Variants in NKX3-2 observed in about 807,000 individuals in gnomAD.
NKX3-2 encodes the protein homeobox protein Nkx-3.2.
NKX3-2 carries 13 observed loss-of-function variants against 19.4 expected under a neutral mutation model. That is an observed-to-expected ratio of 0.67 (90% CI 0.44 to 1.07). The LOEUF is 1.07. Among genes scored for constraint, NKX3-2 ranks in the 50% least tolerant of loss-of-function variants. The probability of loss-of-function intolerance (pLI) is 0.00; values close to 1 mark genes in which losing one functional copy is unlikely to be tolerated. For synonymous variants in NKX3-2, 269 were observed against 230.5 expected, an observed-to-expected ratio of 1.17 and a Z score of -1.51; for missense variants, 562 against 488.2, an observed-to-expected ratio of 1.15 and a Z score of -1.42.
At position 13,542,567 on chromosome 4, in the gene NKX3-2, G is replaced by A; in HGVS notation, c.467-39C>T. ...TGGGAACAGAAACAAGAGACTGTCAGCGCCACAGACGAGGTGAGGCCGGGC... is the reference window on the plus strand; with the variant it reads ...TGGGAACAGAAACAAGAGACTGTCAACGCCACAGACGAGGTGAGGCCGGGC... On this transcript the variant is annotated intron_variant, in intron 1 of 1. Transcript: ENST00000382438. The surrounding 1 kb of genome is among the most constrained non-coding windows in gnomAD (Gnocchi z 6.4). 1 of 1,595,708 alleles carries A rather than the reference G, an allele frequency of 6.3e-7. No homozygotes were observed. Among genetic ancestry groups the A allele is most frequent in the South Asian group, 1.1e-5 (1 of 90,972 alleles).
rs758315408 is a variant in NKX3-2 at position 13,542,293 on chromosome 4, G to T, written c.702C>A (p.Pro234=). The T allele has an allele frequency of 1.2e-6, 2 of 1,607,762 alleles. No individual in the cohort carries two copies. Among genetic ancestry groups the T allele is most frequent in the African/African-American group, 2.7e-5 (2 of 74,806 alleles). ...GCGACGCGGCCAGGTCTGCGCGCTC[G>T]GGCCCGGACAGGTAGCGCTGGTGGT... ...RFNHQRYLSG[P]ERADLAASLK... is the part of the protein sequence containing the mutation. The change falls in exon 2 of 2, where the codon CCC becomes CCA. Residue 234 remains proline, a synonymous_variant. Coordinates refer to ENST00000382438, the MANE Select transcript of NKX3-2 (RefSeq NM_001189.4). This position sits in a 1 kb window ranked among gnomAD's most constrained non-coding sequence, Gnocchi z 6.4.
rs1177932203 is a variant in NKX3-2 at position 13,544,176 on chromosome 4, G to A, written c.239C>T (p.Ala80Val). Residue 80 changes from alanine (A) to valine (V), a missense_variant, in exon 1 of 2, where the codon GCT (alanine) becomes GTT (valine). Transcript: ENST00000382438. ...LLASPAGTRT[A>V]AGRTAESPEG... Reference sequence around the variant, plus strand: ...CGGGCTCTCCGCAGTCCGCCCCGCAGCTGTTCTGGTACCGGCAGGAGACGC... The same window carrying A: ...CGGGCTCTCCGCAGTCCGCCCCGCAACTGTTCTGGTACCGGCAGGAGACGC... The A allele has an allele frequency of 4.4e-6, 7 of 1,604,190 alleles. No individual in the cohort carries two copies. Among genetic ancestry groups the A allele is most frequent in the Non-Finnish European group, 5.9e-6 (7 of 1,179,046 alleles).
In NKX3-2 at chr4:13,544,382, G is replaced by T; in HGVS notation, c.33C>A (p.Ser11=). 3 of 1,549,846 alleles carry T rather than the reference G, an allele frequency of 1.9e-6. No individual in the cohort carries two copies. Among genetic ancestry groups the T allele is most frequent in the Non-Finnish European group, 2.6e-6 (3 of 1,157,724 alleles). ...TGTTGAGGATCGCCTGGATGGAGAA[G>T]GACGTCAAGGTGTTGGCGCCGCGCA... is the stretch of plus-strand genomic sequence containing the variant. MAVRGANTLT[S]FSIQAILNKK... The change falls in exon 1 of 2, where the codon TCC becomes TCA. Residue 11 remains serine (S), a synonymous_variant. Transcript: ENST00000382438.
chr4:13,541,861 GGGAGCT>G lies in NKX3-2; in HGVS notation c.*126_*131del. 1 of 1,378,808 alleles carries G rather than the reference GGGAGCT, an allele frequency of 7.3e-7. No individual in the cohort carries two copies. Among genetic ancestry groups the G allele is most frequent in the Non-Finnish European group, 9.9e-7 (1 of 1,014,426 alleles). The allele number at this position is 1,378,808 out of a possible 1,614,324, so 85.4% of individuals were successfully genotyped here. ...TGCCAGGGGACAAGTCCTGGCTAACGGGAGCTGGAGCTGGGTTTCACCTCCAGGTGC... is the reference window on the plus strand; with the variant it reads ...TGCCAGGGGACAAGTCCTGGCTAACGGGAGCTGGGTTTCACCTCCAGGTGC... On this transcript the variant is annotated 3_prime_UTR_variant, in exon 2 of 2. Transcript: ENST00000382438.
upstream of NKX3-2, chr4:13,544,960 G>C (rs775117106): frequency 1.5e-4 from 23 of 152,238 alleles, no homozygotes; most frequent in African/African-American, 5.3e-4. Context: ...GATTCCGAGA[G>C]GCGCGGGGAA....
chr4:13,544,609 G>A (rs1277969084), upstream of NKX3-2: 3 of 327,900 alleles, frequency 9.1e-6, no homozygotes, highest in East Asian at 1.0e-4. Context: ...CCCCACCTTA[G>A]AGGCCCACCC....
rs2109004752 is a variant in NKX3-2, at chr4:13,542,505, C to T, written c.490G>A (p.Asp164Asn). 1.3e-6 allele frequency: 2 copies of T among 1,596,708 alleles called. No individual in the cohort carries two copies. Among genetic ancestry groups the T allele is most frequent in the South Asian group, 2.2e-5 (2 of 90,980 alleles). The stretch of plus-strand genomic sequence containing the variant: ...GCACCTCTGGGGCCAACACCGTCGT[C>T]CTCGGTCCTTGGGCTGCGGTCGCCT... ...VSGDRSPRTE[D>N]DGVGPRGAHV... The change falls in exon 2 of 2, where the codon GAC (aspartate) becomes AAC (asparagine). Residue 164 changes from aspartate (D) to asparagine (N), a missense_variant. Transcript: ENST00000382438. The surrounding 1 kb of genome is among the most constrained non-coding windows in gnomAD (Gnocchi z 6.4).
At chr4:13,544,546 G>A (rs2109006060), upstream of NKX3-2, 2 of 478,242 alleles carry the variant, frequency 4.2e-6, no homozygotes, top group Non-Finnish European at 6.4e-6. Context: ...CCACTGCTGC[G>A]CGGCCCAGCA....
rs979579208 is a variant in NKX3-2 at position 13,542,627 on chromosome 4, T to C, written c.467-99A>G. ...AGGGGTCACGGGAGTGGGGCGGAAA[T>C]ACACTTTGATCCCACTCAAGCGGAG... On this transcript the variant is annotated intron_variant, in intron 1 of 1. Coordinates refer to ENST00000382438, the MANE Select transcript of NKX3-2 (RefSeq NM_001189.4). This position sits in a 1 kb window ranked among gnomAD's most constrained non-coding sequence, Gnocchi z 6.4. 4.3e-5 allele frequency: 62 copies of C among 1,452,158 alleles called. No homozygotes were observed. Among genetic ancestry groups the C allele is most frequent in the Non-Finnish European group, 5.6e-5 (59 of 1,051,404 alleles). The allele number at this position is 1,452,158 out of a possible 1,614,324, so 90.0% of individuals were successfully genotyped here.
chr4:13,547,123 C>T (rs1010151928), upstream of NKX3-2: 13 of 456,298 alleles, frequency 2.8e-5, no homozygotes, highest in East Asian at 8.3e-4. Context: ...CTGCTCCTAG[C>T]AAGGGGTCGG....
At position 13,543,989 on chromosome 4, in the gene NKX3-2, G is replaced by T; in HGVS notation, c.426C>A (p.Ala142=). Residue 142 remains alanine (A), a synonymous_variant, in exon 1 of 2, where the codon GCC becomes GCA. Coordinates refer to ENST00000382438, the MANE Select transcript of NKX3-2 (RefSeq NM_001189.4). This position sits in a 1 kb window ranked among gnomAD's most constrained non-coding sequence, Gnocchi z 7.1. ...ACATCTCGCTGTCGCTCCGGCCCGC[G>T]GCTTCCTCCTCTAGGTCTTTGGAAG... is the stretch of plus-strand genomic sequence containing the variant. The part of the protein sequence containing the change: ...LAASKDLEEE[A]AGRSDSEMSA... 6.4e-7 allele frequency: 1 copy of T among 1,565,140 alleles called. No individual in the cohort carries two copies. The highest frequency in any genetic ancestry group is 8.6e-7 in the Non-Finnish European group (1 of 1,158,246).
In NKX3-2 at chr4:13,542,289, G is replaced by T; in HGVS notation, c.706C>A (p.Arg236Ser). ...NHQRYLSGPE[R>S]ADLAASLKLT... is the part of the protein sequence containing the mutation. Reference sequence around the variant, plus strand: ...TTCAGCGACGCGGCCAGGTCTGCGCGCTCGGGCCCGGACAGGTAGCGCTGG... The same window carrying T: ...TTCAGCGACGCGGCCAGGTCTGCGCTCTCGGGCCCGGACAGGTAGCGCTGG... Residue 236 changes from arginine (R) to serine (S), a missense_variant, in exon 2 of 2, where the codon CGC (arginine) becomes AGC (serine). Physicochemically the swap from Arg to Ser is moderately radical, Grantham distance 110. Coordinates refer to ENST00000382438, the MANE Select transcript of NKX3-2 (RefSeq NM_001189.4). The surrounding 1 kb of genome is among the most constrained non-coding windows in gnomAD (Gnocchi z 6.4). 1 of 1,608,492 alleles carries T rather than the reference G, an allele frequency of 6.2e-7. No individual in the cohort carries two copies. Among genetic ancestry groups the T allele is most frequent in the Non-Finnish European group, 8.5e-7 (1 of 1,178,402 alleles).
chr4:13,544,148 T>C lies in NKX3-2; in HGVS notation c.267A>G (p.Glu89=), dbSNP rs1718063954. 1 of 1,605,828 alleles carries C rather than the reference T, an allele frequency of 6.2e-7. No homozygotes were observed. The highest frequency in any genetic ancestry group is 8.5e-7 in the Non-Finnish European group (1 of 1,178,722). ...TGAGCGCGGAGTCCGAGTCCCAGCC[T>C]TCCGGGCTCTCCGCAGTCCGCCCCG... ...TAAGRTAESP[E]GWDSDSALSE... The change falls in exon 1 of 2, where the codon GAA becomes GAG. Residue 89 remains glutamate (E), a synonymous_variant. Coordinates refer to ENST00000382438, the MANE Select transcript of NKX3-2 (RefSeq NM_001189.4).
Position 13,544,040 on chromosome 4 carries a change from G to C in NKX3-2, c.375C>G (p.Leu125=). Residue 125 remains leucine (L), a synonymous_variant, in exon 1 of 2, where the codon CTC becomes CTG. Transcript: ENST00000382438. ...CGGCCAGCTCACAGACCGGCTGGCC[G>C]AGGCTCAAGGATCCCCCCGCAAGGC... is the stretch of plus-strand genomic sequence containing the variant. ...GAGLAGGSLS[L]GQPVCELAAS... The C allele has an allele frequency of 6.4e-7, 1 of 1,561,648 alleles. No individual in the cohort carries two copies. The highest frequency in any genetic ancestry group is 8.6e-7 in the Non-Finnish European group (1 of 1,156,832).
At position 13,544,055 on chromosome 4, in the gene NKX3-2, C is replaced by T. The variant is rs1303349416; in HGVS notation, c.360G>A (p.Gly120=). ...ARGASGAGLA[G]GSLSLGQPVC... ...CCGGCTGGCCGAGGCTCAAGGATCCCCCCGCAAGGCCGGCCCCGCTGGCCC... is the reference window on the plus strand; with the variant it reads ...CCGGCTGGCCGAGGCTCAAGGATCCTCCCGCAAGGCCGGCCCCGCTGGCCC... Residue 120 remains glycine, a synonymous_variant, in exon 1 of 2, where the codon GGG becomes GGA. Coordinates refer to ENST00000382438, the MANE Select transcript of NKX3-2 (RefSeq NM_001189.4). 5.7e-6 allele frequency: 9 copies of T among 1,568,844 alleles called. No homozygotes were observed. The highest frequency in any genetic ancestry group is 5.5e-5 in the African/African-American group (4 of 72,278).
At chr4:13,546,352 TA>T (rs1162464067), upstream of NKX3-2, 1 of 156,686 alleles carries the variant, frequency 6.4e-6, no homozygotes, top group Non-Finnish European at 1.4e-5. Context: ...CATTGCCCTT[TA>T]CAGCTCTTTA....
upstream of NKX3-2, chr4:13,547,254 T>C (rs1421865759): frequency 2.2e-6 from 1 of 456,136 alleles, no homozygotes. Context: ...GGCCTGCGCC[T>C]GTCGGAGGAC....
chr4:13,541,821 C>T lies in NKX3-2; in HGVS notation c.*172G>A. On this transcript the variant is annotated 3_prime_UTR_variant, in exon 2 of 2. Coordinates refer to ENST00000382438, the MANE Select transcript of NKX3-2 (RefSeq NM_001189.4). Reference sequence around the variant, plus strand: ...ATTAGAAAAAGGCGCCCCCTCAGGGCAGACTCAGCCCAGCTGCCAGGGGAC... The same window carrying T: ...ATTAGAAAAAGGCGCCCCCTCAGGGTAGACTCAGCCCAGCTGCCAGGGGAC... The T allele has an allele frequency of 9.6e-7, 1 of 1,045,446 alleles. No individual in the cohort carries two copies. Among genetic ancestry groups the T allele is most frequent in the Non-Finnish European group, 1.4e-6 (1 of 735,292 alleles). 64.8% of individuals were successfully genotyped at this position (1,045,446 alleles called of 1,614,324 possible).
Position 13,542,078 on chromosome 4 carries a change from G to A in NKX3-2, c.917C>T (p.Pro306Leu). ...GEVLRPPSLL[P>L]LQPSYYYPYY... ...CGGGTAATAGTAGGAGGGCTGCAGT[G>A]GCAGAAGCGAGGGTGGCCGCAGCAC... is the stretch of plus-strand genomic sequence containing the variant. Residue 306 changes from proline (P) to leucine (L), a missense_variant, in exon 2 of 2, where the codon CCA becomes CTA. Transcript: ENST00000382438. The surrounding 1 kb of genome is among the most constrained non-coding windows in gnomAD (Gnocchi z 6.4). 5.0e-6 allele frequency: 8 copies of A among 1,607,438 alleles called. No homozygotes were observed. The highest frequency in any genetic ancestry group is 2.2e-5 in the East Asian group (1 of 44,612).
Sources: allele counts gnomAD v4.1 joint callset, GRCh38; gene constraint gnomAD v4.1.1; non-coding constraint Gnocchi (gnomAD v3.1); transcripts MANE v1.5; gene names NCBI Gene and HGNC (gene_info 2026-07-23, HGNC 2026-07-21).